The following CCT3 variants were observed in gnomAD, a reference collection of about 807,000 sequenced individuals.
CCT3 encodes the protein T-complex protein 1 subunit gamma.
Under a neutral mutation model 65.3 loss-of-function variants are expected in CCT3, and 10 were observed. The observed-to-expected ratio is 0.15, with a 90% CI of 0.09 to 0.26. The LOEUF (loss-of-function observed/expected upper bound fraction) is 0.26, where lower values mean the gene tolerates loss of function less well. Among genes scored for constraint, CCT3 ranks in the 10% least tolerant of loss-of-function variants. The pLI is 1.00. For synonymous variants in CCT3, 225 were observed against 242.3 expected (o/e 0.93, Z 0.66); for missense variants, 626 against 708.7 (o/e 0.88, Z 1.33).
chr1:156,317,150 T>C lies in CCT3; in HGVS notation c.974+16A>G, dbSNP rs776675395. On this transcript the variant is annotated intron_variant, in intron 10 of 13. Transcript: ENST00000295688. ...CACACGGGAAGAAAAGTCTTGTTTT[T>C]ACCTGGCCTACTCACCTAGCAATGC... 3.7e-6 allele frequency: 6 copies of C among 1,609,580 alleles called. No individual in the cohort carries two copies. The highest frequency in any genetic ancestry group is 4.3e-6 in the Non-Finnish European group (5 of 1,175,858).
intron 4 of CCT3, among the ~76,000 whole-genome samples, chr1:156,334,042 A>G (rs944009910): frequency 2.6e-5 from 4 of 152,158 alleles, no homozygotes; most frequent in Non-Finnish European, 4.4e-5. Flanking sequence ...GTTCGAGACC[A>G]GCCTGGCCAA....
intron 7 of CCT3, among the ~76,000 whole-genome samples, chr1:156,320,472 G>A (rs1664501922): frequency 6.6e-6 from 1 of 152,144 alleles, no homozygotes; most frequent in African/African-American, 2.4e-5. Flanking sequence ...TTCAAGTAGG[G>A]TATGATGGCT....
At chr1:156,322,612 C>T (rs1664605567) in intron 6 of CCT3, among the ~76,000 whole-genome samples, 1 of 149,684 alleles carries the variant, frequency 6.7e-6, no homozygotes, top group South Asian at 2.1e-4. Flanking sequence ...AATCCCAGCA[C>T]CTTGGGAGGC....
chr1:156,311,465 T>C (rs2101628376), intron 11 of CCT3, among the ~76,000 whole-genome samples: 1 of 152,294 alleles, frequency 6.6e-6, no homozygotes, highest in East Asian at 1.9e-4. Flanking sequence ...TATGCTAGAT[T>C]AAGAGCAATA....
chr1:156,336,280 A>ATTT (rs11389824), intron 1 of CCT3, among the ~76,000 whole-genome samples: 2 of 146,114 alleles, frequency 1.4e-5, no homozygotes, highest in Non-Finnish European at 1.5e-5. Context: ...AGATACTGCA[A>ATTT]TTTTTTTTTT....
intron 5 of CCT3, among the ~76,000 whole-genome samples, chr1:156,329,303 CTTTTTT>C (rs765770849): frequency 1.7e-5 from 2 of 119,542 alleles, no homozygotes; most frequent in African/African-American, 3.1e-5. Context: ...GTATCCCCAT[CTTTTTT>C]TTTTTTTTTT....
Position 156,311,039 on chromosome 1 carries a change from T to G in CCT3, c.1312A>C (p.Arg438=), listed in dbSNP as rs1206563718. 2.5e-6 allele frequency: 4 copies of G among 1,614,100 alleles called. No homozygotes were observed. The highest frequency in any genetic ancestry group is 3.4e-6 in the Non-Finnish European group (4 of 1,180,030). The change falls in exon 12 of 14, where the codon AGG becomes CGG. Residue 438 remains arginine (R), a synonymous_variant. Coordinates refer to ENST00000295688, the MANE Select transcript of CCT3 (RefSeq NM_005998.5). Reference sequence around the variant, plus strand: ...ACCTCTAGGGCCTGGGCAACAGCCCTGTATGGCCATTGTTCCACACCAGTC... The same window carrying G: ...ACCTCTAGGGCCTGGGCAACAGCCCGGTATGGCCATTGTTCCACACCAGTC... The part of the protein sequence containing the change: ...AMTGVEQWPY[R]AVAQALEVIP...
chr1:156,337,093 G>A (rs1443474865), intron 1 of CCT3: 1 of 1,285,628 alleles, frequency 7.8e-7, no homozygotes, highest in African/African-American at 1.5e-5. Flanking sequence ...GGAAGACAAT[G>A]GAGGTGGTGC....
Position 156,338,241 on chromosome 1 carries a change from G to A in CCT3, c.-57C>T. 1 of 817,088 alleles carries A rather than the reference G, an allele frequency of 1.2e-6. No homozygotes were observed. Among genetic ancestry groups the A allele is most frequent in the South Asian group, 2.0e-5 (1 of 49,698 alleles). 50.6% of individuals were successfully genotyped at this position (817,088 alleles called of 1,614,324 possible). A position where few individuals can be genotyped will look rare whatever the true frequency, so the allele number is the denominator to read the frequency against. Reference sequence around the variant, plus strand: ...CTGGGGGAACCGGCAGAACCTTCTGGAGAGAGAGAACCAGACAGAAGCCCA... The same window carrying A: ...CTGGGGGAACCGGCAGAACCTTCTGAAGAGAGAGAACCAGACAGAAGCCCA... On this transcript the variant is annotated 5_prime_UTR_variant, in exon 1 of 14. Coordinates refer to ENST00000295688, the MANE Select transcript of CCT3 (RefSeq NM_005998.5).
chr1:156,323,554 T>C (rs919342062), intron 6 of CCT3, among the ~76,000 whole-genome samples: 1 of 152,110 alleles, frequency 6.6e-6, no homozygotes. Flanking sequence ...AAGCTCTGCC[T>C]CCCGGGTTCA....
chr1:156,327,425 C>T (rs1325336653), intron 5 of CCT3, among the ~76,000 whole-genome samples: 2 of 151,638 alleles, frequency 1.3e-5, no homozygotes, highest in African/African-American at 2.4e-5. Context: ...CGAGTGCCTG[C>T]GATTGCAGGC....
In CCT3 at chr1:156,334,761, T is replaced by G. The variant is rs755099294; in HGVS notation, c.159A>C (p.Pro53=). The change falls in exon 4 of 14, where the codon CCA becomes CCC. Residue 53 remains proline (P), a synonymous_variant. Transcript: ENST00000295688. Reference sequence around the variant, plus strand: ...CATTGGTCATCACAATGCCTCCCATTGGGTCCAAAAGCATCTAAGATGAAA... The same window carrying G: ...CATTGGTCATCACAATGCCTCCCATGGGGTCCAAAAGCATCTAAGATGAAA... The part of the protein sequence containing the change: ...PKSMMKMLLD[P]MGGIVMTNDG... The G allele has an allele frequency of 2.5e-6, 4 of 1,614,122 alleles. No homozygotes were observed. In the Admixed American group the frequency reaches 6.7e-5, roughly 27 times the overall value.
intron 5 of CCT3, among the ~76,000 whole-genome samples, chr1:156,329,303 CTTTT>C (rs765770849): frequency 5.9e-5 from 7 of 119,518 alleles, no homozygotes; most frequent in Admixed American, 9.8e-5. Context: ...GTATCCCCAT[CTTTT>C]TTTTTTTTTT....
intron 5 of CCT3, among the ~76,000 whole-genome samples, chr1:156,325,568 A>T (rs1410230261): frequency 2.7e-5 from 4 of 148,248 alleles, no homozygotes; most frequent in South Asian, 2.1e-4. Context: ...GGGCTTACTT[A>T]TTCTTTTGAT....
chr1:156,319,380 T>A (rs969323464), intron 7 of CCT3, among the ~76,000 whole-genome samples: 1 of 152,006 alleles, frequency 6.6e-6, no homozygotes, highest in Non-Finnish European at 1.5e-5. Flanking sequence ...CCTCCCAAAG[T>A]GCTGGGATTA....
chr1:156,317,886 G>C (rs1457478000), intron 8 of CCT3, among the ~76,000 whole-genome samples: 1 of 151,264 alleles, frequency 6.6e-6, no homozygotes, highest in Non-Finnish European at 1.5e-5. Context: ...CTTTTTTTTT[G>C]TATTTTTAGT....
At position 156,330,976 on chromosome 1, in the gene CCT3, G is replaced by A. The variant is rs187785143; in HGVS notation, c.304+2571C>T. 8.6e-5 allele frequency among the ~76,000 whole-genome samples: 13 copies of A among 151,988 alleles called. No individual in the cohort carries two copies. In the East Asian group the frequency reaches 2.3e-3, roughly 27 times the overall value. Reference sequence around the variant, plus strand: ...AGCCAGGCACGGTGGCTCACAGCCTGTAATCCCAGCACTTTGGGAGGCTGA... The same window carrying A: ...AGCCAGGCACGGTGGCTCACAGCCTATAATCCCAGCACTTTGGGAGGCTGA... On this transcript the variant is annotated intron_variant, in intron 5 of 13. Transcript: ENST00000295688.
chr1:156,313,923 C>A (rs12047086), intron 10 of CCT3, among the ~76,000 whole-genome samples: 36,659 of 151,732 alleles, frequency 0.24, 4,925 homozygotes, highest in Non-Finnish European at 0.29. Flanking sequence ...ACCCGTCTTT[C>A]CTAAAAATAC....
At chr1:156,315,498 C>T (rs980466329) in intron 10 of CCT3, among the ~76,000 whole-genome samples, 2 of 152,102 alleles carry the variant, frequency 1.3e-5, no homozygotes, top group African/African-American at 2.4e-5. Context: ...CATGAGCCAC[C>T]GTGCCCTGCC....
Sources: allele counts gnomAD v4.1 joint callset (sites outside exome capture counted in the v4.1 genomes callset), GRCh38; gene constraint gnomAD v4.1.1; transcripts MANE v1.5; gene names NCBI Gene and HGNC (gene_info 2026-07-23, HGNC 2026-07-21).